SENP7: variants seen among roughly 807,000 people sequenced by gnomAD.
SENP7 encodes the protein SUMO specific peptidase 7.
A neutral mutation model predicts 141.2 loss-of-function variants in SENP7; 64 were observed. That is an observed-to-expected ratio of 0.45 (90% CI 0.37 to 0.56). SENP7 has a LOEUF of 0.56. Among genes scored for constraint, SENP7 ranks in the 20% least tolerant of loss-of-function variants. The pLI is 0.00. For missense variants in SENP7, 1,025 were observed against 1,212.2 expected, an observed-to-expected ratio of 0.85 and a Z score of 2.29; for synonymous variants, 382 against 426.4, an observed-to-expected ratio of 0.90 and a Z score of 1.28.
chr3:101,417,534 C>T lies in SENP7; in HGVS notation c.482+59G>A, dbSNP rs896040312. The T allele has an allele frequency of 2.5e-4, 337 of 1,334,670 alleles. 2 individuals carry two copies. The highest frequency in any genetic ancestry group is 2.7e-4 in the South Asian group (23 of 84,712). 82.7% of individuals were successfully genotyped at this position (1,334,670 alleles called of 1,614,324 possible). ...TTCAACAATTTTATCATTAGGAGTACGGGATTCATATTATTTCAAATGTGG... is the reference window on the plus strand; with the variant it reads ...TTCAACAATTTTATCATTAGGAGTATGGGATTCATATTATTTCAAATGTGG... On this transcript the variant is annotated intron_variant, in intron 5 of 23. Coordinates refer to ENST00000394095, the MANE Select transcript of SENP7 (RefSeq NM_020654.5).
intron 6 of SENP7, among the ~76,000 whole-genome samples, chr3:101,385,481 C>CAA (rs1403535031): frequency 7.9e-5 from 12 of 152,178 alleles, no homozygotes; most frequent in African/African-American, 2.7e-4. Context: ...AGCAGGTGGT[C>CAA]CTATCCATCT....
chr3:101,376,392 A>C (rs2060329493), intron 6 of SENP7, among the ~76,000 whole-genome samples: 1 of 150,326 alleles, frequency 6.7e-6, no homozygotes, highest in South Asian at 2.1e-4. Flanking sequence ...TTTAAAATAC[A>C]AAAAAGGTAT....
chr3:101,414,103 T>C, intron 5 of SENP7: 1 of 354,706 alleles, frequency 2.8e-6, no homozygotes, highest in Non-Finnish European at 5.0e-6. Flanking sequence ...CACGAAGTTA[T>C]TAGGGCTTGA....
At chr3:101,332,190 G>A in intron 18 of SENP7, 81 bp from the exon 19 acceptor site, 1 of 1,344,820 alleles carries the variant, frequency 7.4e-7, no homozygotes, top group Non-Finnish European at 1.0e-6. Context: ...ATCTGAGAAA[G>A]TGAGAATAAA....
At chr3:101,439,529 G>GCC (rs2062558226) in intron 4 of SENP7, among the ~76,000 whole-genome samples, 1 of 38,648 alleles carries the variant, frequency 2.6e-5, no homozygotes, top group African/African-American at 1.1e-4. Flanking sequence ...GGCCAGCCGT[G>GCC]CCGTCCGGGA....
chr3:101,503,930 A>G (rs2065488424), intron 1 of SENP7, among the ~76,000 whole-genome samples: 2 of 151,664 alleles, frequency 1.3e-5, no homozygotes, highest in African/African-American at 4.8e-5. Context: ...TGGGCAACAG[A>G]GCAAGACACT....
At chr3:101,469,070 T>A (rs1160019479) in intron 3 of SENP7, among the ~76,000 whole-genome samples, 1 of 151,962 alleles carries the variant, frequency 6.6e-6, no homozygotes. Context: ...GCAATCCTAG[T>A]CTCTGATAAA....
At chr3:101,353,557 C>T (rs1053125392) in intron 11 of SENP7, among the ~76,000 whole-genome samples, 6 of 151,900 alleles carry the variant, frequency 3.9e-5, no homozygotes, top group African/African-American at 1.4e-4. Context: ...TAAGGTAAAC[C>T]TAGTTCTCTG....
Position 101,495,478 on chromosome 3 carries a change from T to C in SENP7, c.91-1510A>G, listed in dbSNP as rs140108665. ...ATGTTTGCTGCAACACTATTCACAA[T>C]AGCAAAGACATGGAATCAACCCAAA... On this transcript the variant is annotated intron_variant, in intron 2 of 23. Coordinates refer to ENST00000394095, the MANE Select transcript of SENP7 (RefSeq NM_020654.5). Among the ~76,000 whole-genome samples, 416 of 152,224 alleles carry C rather than the reference T, an allele frequency of 2.7e-3. 6 individuals are homozygous for C. Among genetic ancestry groups the C allele is most frequent in the East Asian group, 0.017 (86 of 5,186 alleles).
At chr3:101,433,461 C>T (rs2062262403) in intron 4 of SENP7, among the ~76,000 whole-genome samples, 1 of 151,808 alleles carries the variant, frequency 6.6e-6, no homozygotes, top group Non-Finnish European at 1.5e-5. Flanking sequence ...CTAAATTCTC[C>T]AACTTAAAAA....
chr3:101,399,880 C>T (rs2061082537), intron 5 of SENP7, among the ~76,000 whole-genome samples: 1 of 152,200 alleles, frequency 6.6e-6, no homozygotes, highest in Non-Finnish European at 1.5e-5. Flanking sequence ...CCCACTTCAG[C>T]CTCCCAAAAT....
At chr3:101,397,940 T>C (rs1322804744) in intron 6 of SENP7, among the ~76,000 whole-genome samples, 1 of 152,236 alleles carries the variant, frequency 6.6e-6, no homozygotes, top group Non-Finnish European at 1.5e-5. Context: ...TTTTTTCTTA[T>C]TTCCAGTCCA....
chr3:101,421,782 C>G (rs1449297345), intron 4 of SENP7, among the ~76,000 whole-genome samples: 1 of 152,128 alleles, frequency 6.6e-6, no homozygotes, highest in Non-Finnish European at 1.5e-5. Context: ...TTCTAAACAT[C>G]TACAACATTT....
intron 4 of SENP7, among the ~76,000 whole-genome samples, chr3:101,426,594 C>T (rs1315007255): frequency 6.6e-6 from 1 of 151,972 alleles, no homozygotes; most frequent in African/African-American, 2.4e-5. Flanking sequence ...ATTGTCCTGC[C>T]TCAGCCTCCC....
At chr3:101,419,443 G>A (rs2107664656) in intron 4 of SENP7, among the ~76,000 whole-genome samples, 1 of 152,342 alleles carries the variant, frequency 6.6e-6, no homozygotes, top group East Asian at 1.9e-4. Context: ...TAGGAATAAT[G>A]AGGAATAAAA....
chr3:101,491,472 G>A (rs1367318302), intron 3 of SENP7, among the ~76,000 whole-genome samples: 1 of 148,518 alleles, frequency 6.7e-6, no homozygotes, highest in Non-Finnish European at 1.5e-5. Flanking sequence ...TTCCTAGGCT[G>A]GTCTCCAACT....
chr3:101,472,990 T>A (rs1170513794), intron 3 of SENP7, among the ~76,000 whole-genome samples: 2 of 152,202 alleles, frequency 1.3e-5, no homozygotes, highest in Non-Finnish European at 2.9e-5. Context: ...CTCCCACTTA[T>A]AAGTGAGAAC....
chr3:101,452,347 A>G (rs2063174265), intron 4 of SENP7, among the ~76,000 whole-genome samples: 1 of 152,252 alleles, frequency 6.6e-6, no homozygotes, highest in Non-Finnish European at 1.5e-5. Flanking sequence ...CTTTCTTTAC[A>G]GAATTGGAAA....
At chr3:101,451,093 C>A (rs1220106192) in intron 4 of SENP7, among the ~76,000 whole-genome samples, 1 of 152,138 alleles carries the variant, frequency 6.6e-6, no homozygotes, top group African/African-American at 2.4e-5. Flanking sequence ...AACACCTCTA[C>A]GCGAATAAAC....
Sources: allele counts gnomAD v4.1 joint callset (sites outside exome capture counted in the v4.1 genomes callset), GRCh38; gene constraint gnomAD v4.1.1; transcripts MANE v1.5; gene names NCBI Gene and HGNC (gene_info 2026-07-23, HGNC 2026-07-21).